Variants in CUEDC1 observed in about 807,000 individuals in gnomAD.
CUEDC1 encodes CUE domain-containing protein 1.
CUEDC1 carries 30 observed loss-of-function variants against 43.7 expected under a neutral mutation model. That is an observed-to-expected ratio of 0.69 (90% CI 0.51 to 0.93). CUEDC1 has a LOEUF of 0.93. CUEDC1 is among the 40% of genes least tolerant of loss of function. The probability of loss-of-function intolerance (pLI) is 0.00; values close to 1 mark genes in which losing one functional copy is unlikely to be tolerated. For missense variants in CUEDC1, 486 were observed against 549.0 expected (o/e 0.89, Z 1.15); for synonymous variants, 223 against 223.6 (o/e 1.00, Z 0.02).
At position 57,885,327 on chromosome 17, in the gene CUEDC1, T is replaced by TGGC; in HGVS notation, c.235_237dup (p.Ala79dup). ...TTCATCTGCAGCAGCTGGTCGATGG[T>TGGC]GGCGTCCACAGCGCCGCTGTTGGCG... On this transcript the variant is annotated inframe_insertion, in exon 2 of 11. Coordinates refer to ENST00000577830, the MANE Select transcript of CUEDC1 (RefSeq NM_001271875.2). 1 of 1,611,718 alleles carries TGGC rather than the reference T, an allele frequency of 6.2e-7. No homozygotes were observed. The highest frequency in any genetic ancestry group is 1.3e-5 in the African/African-American group (1 of 75,054).
At chr17:57,948,958 A>C (rs762143734) in intron 1 of CUEDC1, among the ~76,000 whole-genome samples, 3 of 152,140 alleles carry the variant, frequency 2.0e-5, no homozygotes, top group Non-Finnish European at 4.4e-5. Context: ...TAAAAACCAC[A>C]AAGGCATCAG....
intron 8 of CUEDC1, 117 bp downstream of exon 8, chr17:57,868,033 C>A: frequency 1.2e-6 from 1 of 813,444 alleles, no homozygotes; most frequent in Non-Finnish European, 2.1e-6. Context: ...GAAGGGAAGG[C>A]CACAGAGCCG....
intron 1 of CUEDC1, among the ~76,000 whole-genome samples, chr17:57,936,957 A>G (rs2074868265): frequency 6.6e-6 from 1 of 151,990 alleles, no homozygotes; most frequent in Non-Finnish European, 1.5e-5. Flanking sequence ...AGTAGCTGGA[A>G]CTACAGGCAT....
intron 3 of CUEDC1, among the ~76,000 whole-genome samples, chr17:57,879,377 G>C (rs957639817): frequency 7.2e-5 from 11 of 152,178 alleles, no homozygotes; most frequent in African/African-American, 2.7e-4. Context: ...GTCCCATATG[G>C]TACCAGACAT....
Position 57,924,931 on chromosome 17 carries a change from G to A in CUEDC1, c.-316+30294C>T, listed in dbSNP as rs77081117. The stretch of plus-strand genomic sequence containing the variant: ...TTAAAATAAAGATGAGTTTGGAGGG[G>A]AGGGGGTGTCAACAATAGTCAGCAT... On this transcript the variant is annotated intron_variant, in intron 1 of 10. Coordinates refer to ENST00000577830, the MANE Select transcript of CUEDC1 (RefSeq NM_001271875.2). 5.0e-3 allele frequency among the ~76,000 whole-genome samples: 756 copies of A among 152,268 alleles called. 3 individuals are homozygous for A. Among genetic ancestry groups the A allele is most frequent in the South Asian group, 0.022 (105 of 4,820 alleles).
intron 1 of CUEDC1, among the ~76,000 whole-genome samples, chr17:57,887,814 T>C (rs1339093986): frequency 1.3e-5 from 2 of 150,372 alleles, no homozygotes; most frequent in Non-Finnish European, 3.0e-5. Context: ...CAAGATGTTT[T>C]TGTGAGTACA....
chr17:57,933,303 C>G (rs940843306), intron 1 of CUEDC1, among the ~76,000 whole-genome samples: 11 of 147,570 alleles, frequency 7.5e-5, no homozygotes, highest in South Asian at 2.2e-4. Flanking sequence ...CTTTATATAG[C>G]CTTGATGTTC....
chr17:57,893,346 G>GGTGTGTGTGTGTGTGTGTGTGTGT (rs1456034263), intron 1 of CUEDC1, among the ~76,000 whole-genome samples: 31 of 89,994 alleles, frequency 3.4e-4, no homozygotes, highest in South Asian at 7.2e-4. Flanking sequence ...AGGCTCTCAG[G>GGTGTGTGTGTGTGTGTGTGTGTGT]GTATGTGTGT....
intron 1 of CUEDC1, among the ~76,000 whole-genome samples, chr17:57,916,138 C>T (rs565218451): frequency 6.6e-6 from 1 of 152,254 alleles, no homozygotes; most frequent in Non-Finnish European, 1.5e-5. Flanking sequence ...ACCAAAGAAT[C>T]GAAGCTGGTG....
chr17:57,894,832 C>T (rs1211043476), intron 1 of CUEDC1, among the ~76,000 whole-genome samples: 1 of 152,154 alleles, frequency 6.6e-6, no homozygotes, highest in Non-Finnish European at 1.5e-5. Context: ...CCCTTGTGGA[C>T]AAATTGGTCC....
At position 57,954,818 on chromosome 17, in the gene CUEDC1, C is replaced by T. The variant is rs963848141; in HGVS notation, c.-316+407G>A. Among the ~76,000 whole-genome samples, 3 of 151,990 alleles carry T rather than the reference C, an allele frequency of 2.0e-5. No homozygotes were observed. Among genetic ancestry groups the T allele is most frequent in the Non-Finnish European group, 2.9e-5 (2 of 67,944 alleles). ...GCCCGGGCACTGCGGGGAGGGGCGC[C>T]CACACAAAAGGGGGAGCGGCGGGAG... On this transcript the variant is annotated intron_variant, in intron 1 of 10. Transcript: ENST00000577830. The surrounding 1 kb of genome is among the most constrained non-coding windows in gnomAD (Gnocchi z 4.3).
rs1421623924 is a variant in CUEDC1, at chr17:57,885,460, G to A, written c.105C>T (p.Asn35=). The A allele has an allele frequency of 5.6e-6, 9 of 1,593,520 alleles. No individual in the cohort carries two copies. Among genetic ancestry groups the A allele is most frequent in the African/African-American group, 1.3e-5 (1 of 74,118 alleles). The change falls in exon 2 of 11, where the codon AAC becomes AAT. Residue 35 remains asparagine, a synonymous_variant. Coordinates refer to ENST00000577830, the MANE Select transcript of CUEDC1 (RefSeq NM_001271875.2). The part of the protein sequence containing the change: ...GGTAAPQELN[N]SRPARQVRRL... ...GGCGCACCTGGCGGGCAGGCCGGCT[G>A]TTGTTGAGCTCCTGGGGGGCGGCCG... is the stretch of plus-strand genomic sequence containing the variant.
At position 57,882,736 on chromosome 17, in the gene CUEDC1, C is replaced by T. The variant is rs531213911; in HGVS notation, c.336+2493G>A. Among the ~76,000 whole-genome samples, 91 of 152,306 alleles carry T rather than the reference C, an allele frequency of 6.0e-4. 1 individual carries two copies. In the South Asian group the frequency reaches 0.01, roughly 17 times the overall value. On this transcript the variant is annotated intron_variant, in intron 2 of 10. Transcript: ENST00000577830. ...GGATGAAGCCCTTTACGATGATCTA[C>T]TTCCACTTAATGAGTAGAAAATATA...
rs778681051 is a variant in CUEDC1, at chr17:57,872,897, G to A, written c.592-42C>T. ...GCATGTTGAATGTGTACACACAAGG[G>A]TACATGTTGCACAAACGTCCACATC... On this transcript the variant is annotated intron_variant, in intron 4 of 10. Coordinates refer to ENST00000577830, the MANE Select transcript of CUEDC1 (RefSeq NM_001271875.2). 28 of 1,565,402 alleles carry A rather than the reference G, an allele frequency of 1.8e-5. No homozygotes were observed. In the Admixed American group the frequency reaches 4.9e-4, roughly 27 times the overall value.
intron 1 of CUEDC1, among the ~76,000 whole-genome samples, chr17:57,950,715 C>T (rs1377232508): frequency 3.3e-5 from 5 of 152,150 alleles, no homozygotes; most frequent in East Asian, 3.9e-4. Context: ...TCAGGTGATC[C>T]GCCCGCCTCG....
At chr17:57,952,242 T>C (rs1483123832) in intron 1 of CUEDC1, among the ~76,000 whole-genome samples, 3 of 151,820 alleles carry the variant, frequency 2.0e-5, no homozygotes, top group Non-Finnish European at 4.4e-5. Context: ...GTTTTTTTTT[T>C]GGAGACAAAG....
intron 1 of CUEDC1, among the ~76,000 whole-genome samples, chr17:57,922,841 C>A (rs1041685681): frequency 1.3e-5 from 2 of 151,976 alleles, no homozygotes; most frequent in Non-Finnish European, 2.9e-5. Context: ...TGCAATCCAG[C>A]TGCACATTAG....
intron 1 of CUEDC1, among the ~76,000 whole-genome samples, chr17:57,948,586 C>T (rs972228133): frequency 1.3e-5 from 2 of 152,194 alleles, no homozygotes; most frequent in African/African-American, 2.4e-5. Context: ...TTTTATCCTC[C>T]GATCACCGAG....
At chr17:57,897,643 C>A (rs1307400272) in intron 1 of CUEDC1, among the ~76,000 whole-genome samples, 12 of 141,456 alleles carry the variant, frequency 8.5e-5, no homozygotes, top group African/African-American at 3.3e-4. Flanking sequence ...GCACTCCAGC[C>A]TGGTCTCAAT....
Sources: allele counts gnomAD v4.1 joint callset (sites outside exome capture counted in the v4.1 genomes callset), GRCh38; gene constraint gnomAD v4.1.1; non-coding constraint Gnocchi (gnomAD v3.1); transcripts MANE v1.5; gene names NCBI Gene and HGNC (gene_info 2026-07-23, HGNC 2026-07-21).